Variants in NREP observed in about 807,000 individuals in gnomAD.
NREP encodes neuronal regeneration related protein, also known as neuronal regeneration-related protein.
NREP carries 5 observed loss-of-function variants against 8.6 expected under a neutral mutation model. The observed-to-expected ratio is 0.58, with a 90% confidence interval of 0.30 to 1.22. NREP has a LOEUF of 1.22. NREP is among the 50% of genes most tolerant of loss of function. The probability of loss-of-function intolerance (pLI) is 0.07; values close to 1 mark genes in which losing one functional copy is unlikely to be tolerated. For synonymous variants in NREP, 27 were observed against 28.0 expected, an observed-to-expected ratio of 0.96 and a Z score of 0.11; for missense variants, 86 against 82.5, an observed-to-expected ratio of 1.04 and a Z score of -0.17.
At chr5:111,973,682 T>C (rs1240964081) in intron 2 of NREP, among the ~76,000 whole-genome samples, 4 of 152,236 alleles carry the variant, frequency 2.6e-5, no homozygotes, top group Non-Finnish European at 5.9e-5. Context: ...AGCTTATGAC[T>C]ACCTTGGTAT....
intron 2 of NREP, among the ~76,000 whole-genome samples, chr5:111,786,743 T>G (rs930915817): frequency 6.6e-6 from 1 of 152,180 alleles, no homozygotes; most frequent in African/African-American, 2.4e-5. Context: ...ATTAGGATCT[T>G]TTGAGATTTA....
intron 2 of NREP, among the ~76,000 whole-genome samples, chr5:111,946,019 C>T (rs911408048): frequency 6.6e-6 from 1 of 151,412 alleles, no homozygotes. Context: ...GTGAGCCCTA[C>T]CTGACACAAA....
chr5:111,769,402 A>T (rs1751164132), intron 2 of NREP, among the ~76,000 whole-genome samples: 1 of 152,240 alleles, frequency 6.6e-6, no homozygotes, highest in Non-Finnish European at 1.5e-5. Flanking sequence ...CAGATAAAGA[A>T]AATTAACAAC....
At chr5:111,806,836 A>G (rs1752155318) in intron 2 of NREP, among the ~76,000 whole-genome samples, 1 of 152,048 alleles carries the variant, frequency 6.6e-6, no homozygotes, top group Admixed American at 6.6e-5. Flanking sequence ...AAAGTTATGT[A>G]TGTGAGAGGG....
At chr5:111,922,909 C>T (rs1471663648) in intron 2 of NREP, among the ~76,000 whole-genome samples, 1 of 152,164 alleles carries the variant, frequency 6.6e-6, no homozygotes, top group Non-Finnish European at 1.5e-5. Context: ...CACTCTGAGG[C>T]TTTCGTGCTG....
At chr5:111,801,884 A>AT (rs1273700786) in intron 2 of NREP, among the ~76,000 whole-genome samples, 2 of 152,142 alleles carry the variant, frequency 1.3e-5, no homozygotes, top group African/African-American at 4.8e-5. Flanking sequence ...CTGTTCTTGT[A>AT]TTTTTATCGG....
chr5:111,871,432 G>C (rs76873523), intron 2 of NREP, among the ~76,000 whole-genome samples: 2,095 of 152,256 alleles, frequency 0.014, 25 homozygotes, highest in South Asian at 0.037. Flanking sequence ...TGAGTGAGTG[G>C]CGAGTGAATG....
chr5:111,907,766 T>A (rs1303269558), intron 2 of NREP, among the ~76,000 whole-genome samples: 1 of 152,046 alleles, frequency 6.6e-6, no homozygotes, highest in Non-Finnish European at 1.5e-5. Context: ...CCTAGAAAAC[T>A]CCTACTTAAT....
chr5:111,734,105 G>C (rs1170116509), intron 3 of NREP: 1 of 152,262 alleles, frequency 6.6e-6, no homozygotes, highest in Non-Finnish European at 1.5e-5. Context: ...GCACAGCAGG[G>C]CTGGCTTTCT....
intron 2 of NREP, among the ~76,000 whole-genome samples, chr5:111,965,644 A>C (rs1302828778): frequency 6.6e-6 from 1 of 152,136 alleles, no homozygotes; most frequent in Non-Finnish European, 1.5e-5. Context: ...CTATAATGTC[A>C]TTTCATCTGT....
intron 2 of NREP, among the ~76,000 whole-genome samples, chr5:111,811,404 G>A (rs923020111): frequency 6.6e-6 from 1 of 152,174 alleles, no homozygotes; most frequent in Non-Finnish European, 1.5e-5. Flanking sequence ...CCGTAGGAAA[G>A]AAACCAATAT....
intron 2 of NREP, among the ~76,000 whole-genome samples, chr5:111,866,600 A>T (rs1272061308): frequency 6.6e-6 from 1 of 152,144 alleles, no homozygotes; most frequent in Non-Finnish European, 1.5e-5. Context: ...TTCCTCAGGG[A>T]TCTAGAACTA....
At chr5:111,936,310 G>A (rs1690512501) in intron 2 of NREP, among the ~76,000 whole-genome samples, 1 of 151,946 alleles carries the variant, frequency 6.6e-6, no homozygotes, top group African/African-American at 2.4e-5. Context: ...AGATCTGATG[G>A]TTTTATAAGT....
At chr5:111,842,464 A>G (rs1289006081) in intron 2 of NREP, among the ~76,000 whole-genome samples, 4 of 152,162 alleles carry the variant, frequency 2.6e-5, no homozygotes, top group Non-Finnish European at 5.9e-5. Flanking sequence ...CTTCTACCAC[A>G]TCCCAGAACT....
chr5:111,804,047 C>G (rs1048318838), intron 2 of NREP, among the ~76,000 whole-genome samples: 1 of 152,068 alleles, frequency 6.6e-6, no homozygotes, highest in African/African-American at 2.4e-5. Flanking sequence ...GCATGGAACT[C>G]TTTCTGGAGT....
intron 2 of NREP, among the ~76,000 whole-genome samples, chr5:111,789,113 G>A (rs1751680231): frequency 1.3e-5 from 2 of 152,044 alleles, no homozygotes. Context: ...CTTTTTGTGT[G>A]TATATAAATA....
upstream of NREP, chr5:111,758,271 C>T (rs1210252092): frequency 1.0e-6 from 1 of 985,226 alleles, no homozygotes; most frequent in Non-Finnish European, 1.2e-6. Context: ...AGAGCTGCGG[C>T]CTGGCGTGAT....
intron 2 of NREP, among the ~76,000 whole-genome samples, chr5:111,874,006 T>C (rs1753848364): frequency 6.6e-6 from 1 of 151,794 alleles, no homozygotes; most frequent in African/African-American, 2.4e-5. Flanking sequence ...GCCTCACTGT[T>C]AGGGTGAGTG....
At chr5:111,975,303 C>T in exon 2 of NREP, 1 of 1,551,530 alleles carries the variant, frequency 6.4e-7, no homozygotes. Context: ...TGGCAGTGAA[C>T]CTGGAAACAT....
Sources: allele counts gnomAD v4.1 joint callset (sites outside exome capture counted in the v4.1 genomes callset), GRCh38; gene constraint gnomAD v4.1.1; transcripts MANE v1.5; gene names NCBI Gene and HGNC (gene_info 2026-07-23, HGNC 2026-07-21).